Variants in QKI observed in about 807,000 individuals in gnomAD.
The protein encoded by QKI is QKI, KH domain containing RNA binding.
Under a neutral mutation model 39.0 loss-of-function variants are expected in QKI, and 10 were observed. The observed-to-expected ratio is 0.26, with a 90% confidence interval of 0.16 to 0.43. QKI has a LOEUF of 0.43. QKI is among the 20% of genes least tolerant of loss of function. The pLI is 1.00. For synonymous variants in QKI, 204 were observed against 155.4 expected, an observed-to-expected ratio of 1.31 and a Z score of -2.33; for missense variants, 218 against 428.0, an observed-to-expected ratio of 0.51 and a Z score of 4.33.
At position 163,573,938 on chromosome 6, in the gene QKI, A is replaced by C. The variant is rs979551256; in HGVS notation, c.*3228A>C. On this transcript the variant is annotated 3_prime_UTR_variant, in exon 8 of 8. Coordinates refer to ENST00000361752, the MANE Select transcript of QKI (RefSeq NM_006775.3). ...AGATAACATAGTGTGACTTGTTTTT[A>C]TGTTGTTTGTCAGCTGACAGTTTTG... 3.3e-5 allele frequency: 5 copies of C among 149,954 alleles called. No homozygotes were observed. Among genetic ancestry groups the C allele is most frequent in the Admixed American group, 3.3e-4 (5 of 15,052 alleles). 9.3% of individuals were successfully genotyped at this position (149,954 alleles called of 1,614,324 possible).
At chr6:163,484,593 CAA>C (rs1356686596) in intron 3 of QKI, among the ~76,000 whole-genome samples, 1 of 152,190 alleles carries the variant, frequency 6.6e-6, no homozygotes, top group African/African-American at 2.4e-5. Flanking sequence ...TAGCCCCTAA[CAA>C]GAGAATCAGC....
chr6:163,481,666 T>C (rs963666605), intron 3 of QKI, among the ~76,000 whole-genome samples: 2 of 152,198 alleles, frequency 1.3e-5, no homozygotes, highest in African/African-American at 4.8e-5. Context: ...GCCACTTTAG[T>C]TTTCATTTTC....
chr6:163,535,792 C>T (rs1781161842), intron 4 of QKI, among the ~76,000 whole-genome samples: 1 of 151,808 alleles, frequency 6.6e-6, no homozygotes, highest in African/African-American at 2.4e-5. Context: ...ATAAGTCGGG[C>T]GTGATGGCAG....
Position 163,574,674 on chromosome 6 carries a change from TAA to T in QKI, c.*3966_*3967del, listed in dbSNP as rs1325609869. On this transcript the variant is annotated 3_prime_UTR_variant, in exon 8 of 8. Coordinates refer to ENST00000361752, the MANE Select transcript of QKI (RefSeq NM_006775.3). ...ATGCTTTTCTTGGCTGGAACTTGGG[TAA>T]ATTAACCTGTAATTATGAATTATTT... The T allele has an allele frequency of 6.6e-6, 1 of 152,232 alleles. No individual in the cohort carries two copies. Among genetic ancestry groups the T allele is most frequent in the Non-Finnish European group, 1.5e-5 (1 of 68,044 alleles). The allele number at this position is 152,232 out of a possible 1,614,324, so 9.4% of individuals were successfully genotyped here. A position where few individuals can be genotyped will look rare whatever the true frequency, so the allele number is the denominator to read the frequency against.
At chr6:163,553,114 A>ATTTT (rs1554277952) in intron 4 of QKI, among the ~76,000 whole-genome samples, 2 of 80,290 alleles carry the variant, frequency 2.5e-5, no homozygotes, top group African/African-American at 5.2e-5. Flanking sequence ...TTATTTATTT[A>ATTTT]TTTTTTGAGA....
chr6:163,568,528 A>G (rs903773184), intron 7 of QKI: 10 of 983,200 alleles, frequency 1.0e-5, no homozygotes, highest in Non-Finnish European at 1.2e-5. Context: ...GAGTACTCGT[A>G]TACTTATCAC....
intron 3 of QKI, among the ~76,000 whole-genome samples, chr6:163,501,197 A>C (rs568259740): frequency 6.6e-6 from 1 of 152,022 alleles, no homozygotes; most frequent in Non-Finnish European, 1.5e-5. Flanking sequence ...TGGCCACTCA[A>C]AGTGCTCCCC....
intron 1 of QKI, among the ~76,000 whole-genome samples, chr6:163,439,807 G>A (rs769175587): frequency 3.8e-4 from 57 of 151,756 alleles, no homozygotes; most frequent in Non-Finnish European, 3.8e-4. Flanking sequence ...GTGCCACCAC[G>A]CCCAGCTAAT....
At chr6:163,478,934 A>T (rs1235483569) in intron 3 of QKI, 38 bp downstream of exon 3, 3 of 1,419,144 alleles carry the variant, frequency 2.1e-6, no homozygotes, top group Non-Finnish European at 2.0e-6. Context: ...TTATGTGAGT[A>T]ACTTACTATA....
At chr6:163,502,306 CAGTG>C (rs10599083) in intron 3 of QKI, among the ~76,000 whole-genome samples, 119,117 of 151,596 alleles carry the variant, frequency 0.79, 46,975 homozygotes, top group East Asian at 1. Context: ...CTGGGTTAAA[CAGTG>C]AGACCCTGTC....
chr6:163,554,365 G>A (rs752230140), intron 4 of QKI, among the ~76,000 whole-genome samples: 1 of 152,150 alleles, frequency 6.6e-6, no homozygotes, highest in Admixed American at 6.5e-5. Context: ...ACAGAAAACC[G>A]GCTGGCAAAG....
intron 4 of QKI, among the ~76,000 whole-genome samples, chr6:163,543,384 T>G (rs1021723200): frequency 2.1e-5 from 3 of 143,880 alleles, no homozygotes; most frequent in African/African-American, 8.9e-5. Flanking sequence ...AAGAAAGGTG[T>G]TGTTACTGAT....
rs567258634 is a variant in QKI, at chr6:163,497,420, T to G, written c.402+18524T>G. Among the ~76,000 whole-genome samples, 13 of 152,230 alleles carry G rather than the reference T, an allele frequency of 8.5e-5. No homozygotes were observed. In the South Asian group the frequency reaches 2.7e-3, roughly 32 times the overall value. The stretch of plus-strand genomic sequence containing the variant: ...TAATTGTATAGTTTACTTTTTTCTG[T>G]ATGTTAAAAATGAAAAATTCACATT... On this transcript the variant is annotated intron_variant, in intron 3 of 7. Coordinates refer to ENST00000361752, the MANE Select transcript of QKI (RefSeq NM_006775.3).
intron 4 of QKI, among the ~76,000 whole-genome samples, chr6:163,547,057 T>C (rs1781928484): frequency 6.6e-6 from 1 of 152,192 alleles, no homozygotes; most frequent in South Asian, 2.1e-4. Flanking sequence ...CTTTGTAGAA[T>C]ATAATATTTC....
intron 1 of QKI, among the ~76,000 whole-genome samples, chr6:163,441,555 A>G (rs1789764162): frequency 6.6e-6 from 1 of 152,250 alleles, no homozygotes. Flanking sequence ...GCAATAATCA[A>G]TAAACAAGTA....
intron 4 of QKI, among the ~76,000 whole-genome samples, chr6:163,540,074 C>T (rs1446149225): frequency 6.6e-6 from 1 of 150,770 alleles, no homozygotes; most frequent in Non-Finnish European, 1.5e-5. Flanking sequence ...GGGAAATATT[C>T]CATTTACATT....
chr6:163,521,245 A>G (rs1044572416), intron 3 of QKI, among the ~76,000 whole-genome samples: 4 of 152,122 alleles, frequency 2.6e-5, no homozygotes, highest in Non-Finnish European at 5.9e-5. Context: ...ACTGTGCACA[A>G]GGAGCACCAT....
At chr6:163,524,789 T>C (rs1780378273) in intron 3 of QKI, among the ~76,000 whole-genome samples, 1 of 152,164 alleles carries the variant, frequency 6.6e-6, no homozygotes, top group African/African-American at 2.4e-5. Flanking sequence ...TCTACGATCA[T>C]CTATTCTAGA....
intron 2 of QKI, among the ~76,000 whole-genome samples, chr6:163,478,354 C>T (rs1329191120): frequency 6.6e-6 from 1 of 152,166 alleles, no homozygotes; most frequent in Non-Finnish European, 1.5e-5. Flanking sequence ...AGAGGACTTT[C>T]CCCAAAGGAT....
Sources: allele counts gnomAD v4.1 joint callset (sites outside exome capture counted in the v4.1 genomes callset), GRCh38; gene constraint gnomAD v4.1.1; transcripts MANE v1.5; gene names NCBI Gene and HGNC (gene_info 2026-07-23, HGNC 2026-07-21).